Variants in ADAMTS3 observed in about 807,000 individuals in gnomAD.
ADAMTS3 encodes the protein A disintegrin and metalloproteinase with thrombospondin motifs 3.
In ADAMTS3, 73 loss-of-function variants were observed where a neutral mutation model predicts 129.0. The ratio of observed to expected loss-of-function variants is 0.57; its 90% CI spans 0.47 to 0.69. The LOEUF (loss-of-function observed/expected upper bound fraction) is 0.69, where lower values mean the gene tolerates loss of function less well. Among genes scored for constraint, ADAMTS3 ranks in the 30% least tolerant of loss-of-function variants. ADAMTS3 has a pLI of 0.00. For synonymous variants in ADAMTS3, 477 were observed against 510.8 expected (o/e 0.93, Z 0.89); for missense variants, 1,457 against 1,514.5 (o/e 0.96, Z 0.63).
At chr4:72,361,593 G>A (rs1032841517) in intron 4 of ADAMTS3, among the ~76,000 whole-genome samples, 8 of 152,022 alleles carry the variant, frequency 5.3e-5, no homozygotes, top group Non-Finnish European at 1.0e-4. Context: ...AAAATCCAAC[G>A]AATAGTTTGG....
intron 4 of ADAMTS3, among the ~76,000 whole-genome samples, chr4:72,340,390 A>T (rs538657074): frequency 2.0e-5 from 3 of 151,374 alleles, no homozygotes; most frequent in Non-Finnish European, 4.4e-5. Context: ...GTTATATATT[A>T]TATATATATG....
At chr4:72,333,305 T>G (rs977371345) in intron 5 of ADAMTS3, among the ~76,000 whole-genome samples, 1 of 152,150 alleles carries the variant, frequency 6.6e-6, no homozygotes, top group Admixed American at 6.5e-5. Context: ...AATCTGTTTT[T>G]TTATTGACCA....
intron 3 of ADAMTS3, among the ~76,000 whole-genome samples, chr4:72,515,060 C>A (rs1251914160): frequency 3.3e-5 from 5 of 152,100 alleles, no homozygotes; most frequent in Admixed American, 3.3e-4. Context: ...TGTTCAATGC[C>A]CATCTATGAA....
At chr4:72,464,583 T>A (rs1718868429) in intron 3 of ADAMTS3, among the ~76,000 whole-genome samples, 1 of 152,018 alleles carries the variant, frequency 6.6e-6, no homozygotes, top group Non-Finnish European at 1.5e-5. Context: ...ATTTACTCTG[T>A]GTTGAATTCT....
At chr4:72,366,930 CTCT>C (rs746532432) in intron 4 of ADAMTS3, among the ~76,000 whole-genome samples, 54 of 152,022 alleles carry the variant, frequency 3.6e-4, no homozygotes, top group Admixed American at 6.5e-4. Context: ...CCTCCTCTCT[CTCT>C]TTTCTCCTTT....
intron 21 of ADAMTS3, among the ~76,000 whole-genome samples, chr4:72,286,472 A>G (rs888378589): frequency 6.6e-6 from 1 of 152,236 alleles, no homozygotes; most frequent in Admixed American, 6.5e-5. Flanking sequence ...AAAATTTATA[A>G]TGAAGTAATT....
intron 3 of ADAMTS3, among the ~76,000 whole-genome samples, chr4:72,513,374 A>G (rs1349202754): frequency 6.6e-6 from 1 of 152,056 alleles, no homozygotes; most frequent in African/African-American, 2.4e-5. Flanking sequence ...TTCCCTTTTC[A>G]ATGACCACAG....
At chr4:72,445,559 G>A (rs1394945007) in intron 3 of ADAMTS3, among the ~76,000 whole-genome samples, 2 of 151,604 alleles carry the variant, frequency 1.3e-5, no homozygotes, top group African/African-American at 4.8e-5. Context: ...TTTGAAAGGG[G>A]AAACATAGTG....
chr4:72,511,806 G>T lies in ADAMTS3; in HGVS notation c.504+36672C>A, dbSNP rs1720322507. Among the ~76,000 whole-genome samples, 3 of 152,282 alleles carry T rather than the reference G, an allele frequency of 2.0e-5. No individual in the cohort carries two copies. The South Asian group carries it at 6.2e-4, about 32-fold the overall frequency. ...CTATCAGTATATCAGAGAGATATCT[G>T]CACTATTAGGTTTGCTGCAGTACTG... On this transcript the variant is annotated intron_variant, in intron 3 of 21. Coordinates refer to ENST00000286657, the MANE Select transcript of ADAMTS3 (RefSeq NM_014243.3).
intron 3 of ADAMTS3, among the ~76,000 whole-genome samples, chr4:72,463,137 C>T (rs963010): frequency 0.97 from 147,933 of 152,022 alleles, 72,124 homozygotes; most frequent in East Asian, 1. Context: ...TGTGTTATAA[C>T]TGCCTACAGT....
chr4:72,502,372 T>C (rs1361980099), intron 3 of ADAMTS3, among the ~76,000 whole-genome samples: 4 of 152,190 alleles, frequency 2.6e-5, no homozygotes, highest in Non-Finnish European at 5.9e-5. Flanking sequence ...AATTTATTCA[T>C]TTCCTCTAGA....
rs2109770671 is a variant in ADAMTS3 at position 72,535,631 on chromosome 4, G to T, written c.504+12847C>A. Among the ~76,000 whole-genome samples, 3 of 152,108 alleles carry T rather than the reference G, an allele frequency of 2.0e-5. No individual in the cohort carries two copies. The Middle Eastern group carries it at 0.01, about 517-fold the overall frequency. ...TAAAAACTACATTTTCTGGTAATTG[G>T]AGCTAGACACCCCTATGCCACTTCT... On this transcript the variant is annotated intron_variant, in intron 3 of 21. Coordinates refer to ENST00000286657, the MANE Select transcript of ADAMTS3 (RefSeq NM_014243.3).
chr4:72,562,320 A>G (rs986398862), intron 2 of ADAMTS3, among the ~76,000 whole-genome samples: 6 of 152,212 alleles, frequency 3.9e-5, no homozygotes, highest in Non-Finnish European at 8.8e-5. Context: ...GCCATTTGTC[A>G]AAATGTATCA....
intron 3 of ADAMTS3, among the ~76,000 whole-genome samples, chr4:72,422,435 T>G (rs1412596203): frequency 1.3e-5 from 2 of 152,136 alleles, no homozygotes; most frequent in Non-Finnish European, 2.9e-5. Flanking sequence ...AACACTAATT[T>G]TTTTTAAATA....
At chr4:72,414,218 T>C (rs1490698188) in intron 4 of ADAMTS3, among the ~76,000 whole-genome samples, 1 of 151,904 alleles carries the variant, frequency 6.6e-6, no homozygotes, top group African/African-American at 2.4e-5. Context: ...AGTAAGTTAC[T>C]TTCAGGTTTC....
At chr4:72,335,472 C>T (rs79969583) in intron 5 of ADAMTS3, among the ~76,000 whole-genome samples, 5,635 of 152,162 alleles carry the variant, frequency 0.037, 350 homozygotes, top group African/African-American at 0.13. Flanking sequence ...TGACATATAA[C>T]AGTAAATACT....
At chr4:72,453,017 G>T (rs1718447255) in intron 3 of ADAMTS3, among the ~76,000 whole-genome samples, 1 of 151,764 alleles carries the variant, frequency 6.6e-6, no homozygotes, top group Non-Finnish European at 1.5e-5. Context: ...TCTGCTCAGA[G>T]ATTTGCTATT....
intron 9 of ADAMTS3, among the ~76,000 whole-genome samples, chr4:72,319,015 G>T (rs1455153860): frequency 6.6e-6 from 1 of 152,120 alleles, no homozygotes; most frequent in East Asian, 1.9e-4. Flanking sequence ...GTAGAGCACA[G>T]CTCGTATCAT....
chr4:72,500,004 A>G (rs924233981), intron 3 of ADAMTS3, among the ~76,000 whole-genome samples: 1 of 152,088 alleles, frequency 6.6e-6, no homozygotes, highest in African/African-American at 2.4e-5. Context: ...TATGTACCAC[A>G]TTTTCTTTAT....
Sources: gnomAD v4.1 joint callset for allele counts (sites outside exome capture counted in the v4.1 genomes callset) on GRCh38, gnomAD v4.1.1 for gene constraint, MANE v1.5 for transcripts, NCBI Gene and HGNC (gene_info 2026-07-23, HGNC 2026-07-21) for gene names.